ATP8A2: variants seen among roughly 807,000 people sequenced by gnomAD.
ATP8A2 encodes phospholipid-transporting ATPase IB.
ATP8A2 carries 100 observed loss-of-function variants against 165.6 expected under a neutral mutation model. That is an observed-to-expected ratio of 0.60 (90% CI 0.51 to 0.71). The LOEUF is 0.71. ATP8A2 is among the 30% of genes least tolerant of loss of function. The pLI is 0.00. For synonymous variants in ATP8A2, 543 were observed against 548.8 expected, an observed-to-expected ratio of 0.99 and a Z score of 0.15; for missense variants, 1,227 against 1,479.5, an observed-to-expected ratio of 0.83 and a Z score of 2.80.
intron 33 of ATP8A2, among the ~76,000 whole-genome samples, chr13:25,931,909 G>A (rs936631561): frequency 1.4e-4 from 21 of 152,068 alleles, no homozygotes; most frequent in Non-Finnish European, 2.9e-4. Context: ...TTAGCTGGGT[G>A]TGGTGGCGGG....
At chr13:25,683,235 G>A (rs914929143) in intron 24 of ATP8A2, among the ~76,000 whole-genome samples, 3 of 152,180 alleles carry the variant, frequency 2.0e-5, no homozygotes, top group African/African-American at 7.2e-5. Context: ...CATTAAGCCT[G>A]TAGCAGCTGC....
At chr13:25,951,910 C>T (rs553903001) in intron 33 of ATP8A2, among the ~76,000 whole-genome samples, 74 of 152,244 alleles carry the variant, frequency 4.9e-4, no homozygotes, top group Non-Finnish European at 6.0e-4. Flanking sequence ...CAATCTCACC[C>T]GCCATCAGTT....
chr13:25,551,397 C>T lies in ATP8A2; in HGVS notation c.951C>T (p.Ile317=), dbSNP rs959672630. 1 of 1,614,130 alleles carries T rather than the reference C, an allele frequency of 6.2e-7. No homozygotes were observed. The change falls in exon 11 of 37, where the codon ATC becomes ATT. Residue 317 remains isoleucine, a synonymous_variant. Coordinates refer to ENST00000381655, the MANE Select transcript of ATP8A2 (RefSeq NM_016529.6). ...TTGAGAAGGTGACTAACGTGCAGAT[C>T]CTGGTGTTGTTTGGCATCCTCTTGG... ...SNVEKVTNVQ[I]LVLFGILLVM...
chr13:25,637,932 C>T (rs1340017137), intron 24 of ATP8A2, among the ~76,000 whole-genome samples: 1 of 152,170 alleles, frequency 6.6e-6, no homozygotes, highest in Non-Finnish European at 1.5e-5. Context: ...GATCAGACAG[C>T]AACATTTGCT....
At chr13:25,425,701 A>G (rs1239550217) in intron 1 of ATP8A2, among the ~76,000 whole-genome samples, 1 of 151,978 alleles carries the variant, frequency 6.6e-6, no homozygotes, top group African/African-American at 2.4e-5. Context: ...CAGTCTCCCA[A>G]GTAGCTGGGA....
At chr13:25,754,529 AC>A (rs2044220160) in intron 25 of ATP8A2, among the ~76,000 whole-genome samples, 1 of 152,128 alleles carries the variant, frequency 6.6e-6, no homozygotes, top group Non-Finnish European at 1.5e-5. Flanking sequence ...GGAAATTAAT[AC>A]CTTCAATTTA....
At chr13:25,720,314 C>G (rs934730973) in intron 25 of ATP8A2, among the ~76,000 whole-genome samples, 1 of 151,796 alleles carries the variant, frequency 6.6e-6, no homozygotes, top group Non-Finnish European at 1.5e-5. Flanking sequence ...AGGTGCCCAC[C>G]ACCATGCCAG....
At chr13:25,919,562 C>G (rs144829155) in intron 33 of ATP8A2, among the ~76,000 whole-genome samples, 155 of 152,236 alleles carry the variant, frequency 1.0e-3, no homozygotes, top group African/African-American at 3.7e-3. Context: ...CCAGCTCCTG[C>G]CCTAAGAGAC....
At chr13:25,388,883 G>A (rs1034273059) in intron 1 of ATP8A2, among the ~76,000 whole-genome samples, 1 of 152,106 alleles carries the variant, frequency 6.6e-6, no homozygotes, top group Non-Finnish European at 1.5e-5. Context: ...AGGAAATGAT[G>A]TCTCCACATG....
chr13:25,777,458 T>G (rs2044767784), intron 27 of ATP8A2, among the ~76,000 whole-genome samples: 1 of 152,256 alleles, frequency 6.6e-6, no homozygotes, highest in Non-Finnish European at 1.5e-5. Flanking sequence ...AAGAATACTT[T>G]TTTGTTCTAA....
intron 24 of ATP8A2, among the ~76,000 whole-genome samples, chr13:25,624,881 T>C (rs1358026561): frequency 2.0e-5 from 3 of 152,202 alleles, no homozygotes. Context: ...AGAAATTCCT[T>C]CCATCTGCAG....
At chr13:25,591,812 T>G (rs960938840) in intron 24 of ATP8A2, among the ~76,000 whole-genome samples, 1 of 152,086 alleles carries the variant, frequency 6.6e-6, no homozygotes, top group Non-Finnish European at 1.5e-5. Context: ...CAATCCAACT[T>G]TTGACTATTG....
intron 33 of ATP8A2, among the ~76,000 whole-genome samples, chr13:25,917,608 G>A (rs1251780083): frequency 2.6e-5 from 4 of 152,228 alleles, no homozygotes; most frequent in Admixed American, 6.5e-5. Flanking sequence ...ATTACACTGT[G>A]TCACTCACTC....
chr13:25,620,139 A>G (rs1203547705), intron 24 of ATP8A2, among the ~76,000 whole-genome samples: 1 of 152,228 alleles, frequency 6.6e-6, no homozygotes, highest in Non-Finnish European at 1.5e-5. Flanking sequence ...CAGAAAGTCC[A>G]GTAAGTCCTA....
intron 27 of ATP8A2, among the ~76,000 whole-genome samples, chr13:25,790,348 A>G (rs909059886): frequency 1.3e-5 from 2 of 152,168 alleles, no homozygotes; most frequent in Non-Finnish European, 2.9e-5. Context: ...AATATCTAGC[A>G]TCTATAAGGA....
At chr13:25,988,843 C>G (rs1367729592) in intron 35 of ATP8A2, among the ~76,000 whole-genome samples, 1 of 152,250 alleles carries the variant, frequency 6.6e-6, no homozygotes, top group African/African-American at 2.4e-5. Flanking sequence ...ATACCCTAGG[C>G]TGAGATCTGG....
intron 33 of ATP8A2, among the ~76,000 whole-genome samples, chr13:25,936,291 C>T (rs1298290564): frequency 6.6e-6 from 1 of 152,172 alleles, no homozygotes; most frequent in Non-Finnish European, 1.5e-5. Flanking sequence ...TGCTGATTCC[C>T]ACGTTGGTCA....
intron 33 of ATP8A2, among the ~76,000 whole-genome samples, chr13:25,952,526 G>T (rs567630666): frequency 6.6e-6 from 1 of 151,922 alleles, no homozygotes; most frequent in African/African-American, 2.4e-5. Context: ...GACTACAAGC[G>T]CACTACCACA....
rs1223579251 is a variant in ATP8A2, at chr13:26,023,824, G to T, written c.*3839G>T. On this transcript the variant is annotated 3_prime_UTR_variant, in exon 37 of 37. Coordinates refer to ENST00000381655, the MANE Select transcript of ATP8A2 (RefSeq NM_016529.6). ...GGTCATCGTCTCAAAGTAATTCAAG[G>T]AGTGATTTAACATCAGCATTTGAAA... 6.6e-6 allele frequency: 1 copy of T among 152,188 alleles called. No individual in the cohort carries two copies. Among genetic ancestry groups the T allele is most frequent in the East Asian group, 1.9e-4 (1 of 5,184 alleles). The allele number at this position is 152,188 out of a possible 1,614,324, so 9.4% of individuals were successfully genotyped here.
Sources: gnomAD v4.1 joint callset for allele counts (sites outside exome capture counted in the v4.1 genomes callset) on GRCh38, gnomAD v4.1.1 for gene constraint, MANE v1.5 for transcripts, NCBI Gene and HGNC (gene_info 2026-07-23, HGNC 2026-07-21) for gene names.